RBM26: variants seen among roughly 807,000 people sequenced by gnomAD.
RBM26 encodes RNA binding motif protein 26.
RBM26 carries 30 observed loss-of-function variants against 123.6 expected under a neutral mutation model. That is an observed-to-expected ratio of 0.24 (90% CI 0.18 to 0.33). RBM26 has a LOEUF of 0.33. Among genes scored for constraint, RBM26 ranks in the 10% least tolerant of loss-of-function variants. RBM26 has a pLI of 1.00. For missense variants in RBM26, 947 were observed against 1,203.6 expected (o/e 0.79, Z 3.15); for synonymous variants, 400 against 404.4 (o/e 0.99, Z 0.13).
intron 1 of RBM26, among the ~76,000 whole-genome samples, chr13:79,383,959 A>G (rs1439790189): frequency 6.6e-6 from 1 of 152,204 alleles, no homozygotes; most frequent in Non-Finnish European, 1.5e-5. Context: ...AAAATTTTAA[A>G]AAGCCCAGGC....
intron 20 of RBM26, among the ~76,000 whole-genome samples, chr13:79,324,180 C>T (rs552132231): frequency 2.4e-4 from 36 of 151,760 alleles, no homozygotes; most frequent in South Asian, 4.2e-4. Flanking sequence ...GGAGTTAAAT[C>T]CTACATATAT....
chr13:79,368,843 G>A lies in RBM26; in HGVS notation c.782C>T (p.Thr261Ile). The A allele has an allele frequency of 6.2e-7, 1 of 1,613,872 alleles. No individual in the cohort carries two copies. Among genetic ancestry groups the A allele is most frequent in the Non-Finnish European group, 8.5e-7 (1 of 1,179,844 alleles). Residue 261 changes from threonine to isoleucine, a missense_variant, in exon 6 of 22, where the codon ACT (threonine) becomes ATT (isoleucine). Transcript: ENST00000438737. ...LSSTITVIAP[T>I]HHGNNTTESW... The stretch of plus-strand genomic sequence containing the variant: ...TTCGGTAGTGTTGTTTCCATGATGA[G>A]TAGGAGCAATTACTGTAATAGTGCT...
chr13:79,386,258 C>A (rs2077469053), intron 1 of RBM26, among the ~76,000 whole-genome samples: 1 of 151,888 alleles, frequency 6.6e-6, no homozygotes, highest in Admixed American at 6.6e-5. Flanking sequence ...ACATGTTATA[C>A]TGGTTGAAGT....
chr13:79,383,843 G>T (rs1422031155), intron 1 of RBM26, among the ~76,000 whole-genome samples: 1 of 152,176 alleles, frequency 6.6e-6, no homozygotes, highest in Non-Finnish European at 1.5e-5. Flanking sequence ...TATTATTTAA[G>T]ATCATCAAGG....
At position 79,372,545 on chromosome 13, in the gene RBM26, A is replaced by G. The variant is rs983267318; in HGVS notation, c.328-615T>C. On this transcript the variant is annotated intron_variant, in intron 3 of 21. Transcript: ENST00000438737. ...TGCTCATTTAACATAATTAATGGAA[A>G]TCCAATTTTATTCCTCTTTCAAAAG... Among the ~76,000 whole-genome samples the G allele has an allele frequency of 4.0e-5, 6 of 150,868 alleles. No homozygotes were observed. In the East Asian group the frequency reaches 1.2e-3, roughly 29 times the overall value.
intron 20 of RBM26, among the ~76,000 whole-genome samples, chr13:79,327,916 C>T (rs1404765272): frequency 6.6e-6 from 1 of 151,808 alleles, no homozygotes; most frequent in Non-Finnish European, 1.5e-5. Context: ...TGTGTACTCC[C>T]TGAATCTAAA....
chr13:79,332,371 A>G (rs2069579305), intron 20 of RBM26, among the ~76,000 whole-genome samples: 1 of 152,212 alleles, frequency 6.6e-6, no homozygotes, highest in African/African-American at 2.4e-5. Flanking sequence ...ACAAACACAC[A>G]AATTTTTAAA....
chr13:79,402,255 A>C (rs903284705), intron 1 of RBM26, among the ~76,000 whole-genome samples: 3 of 152,132 alleles, frequency 2.0e-5, no homozygotes, highest in East Asian at 3.8e-4. Flanking sequence ...ACAAAACATC[A>C]ATCTTAAGCA....
intron 20 of RBM26, among the ~76,000 whole-genome samples, chr13:79,327,969 T>C (rs1351513729): frequency 6.6e-6 from 1 of 152,068 alleles, no homozygotes; most frequent in African/African-American, 2.4e-5. Context: ...ACACTAGTAA[T>C]ATATACTGGC....
intron 20 of RBM26, among the ~76,000 whole-genome samples, chr13:79,324,321 T>C (rs907606205): frequency 6.6e-6 from 1 of 151,876 alleles, no homozygotes; most frequent in African/African-American, 2.4e-5. Context: ...TCGATGTCCA[T>C]ACCAATAAAT....
chr13:79,390,188 A>G (rs1037691968), intron 1 of RBM26, among the ~76,000 whole-genome samples: 1 of 152,172 alleles, frequency 6.6e-6, no homozygotes, highest in African/African-American at 2.4e-5. Flanking sequence ...AAGACTTAAG[A>G]AATTGTGTCA....
chr13:79,365,822 T>G, intron 8 of RBM26, 104 bp from the exon 9 acceptor site: 1 of 1,028,306 alleles, frequency 9.7e-7, no homozygotes, highest in Non-Finnish European at 1.4e-6. Flanking sequence ...TATTAACATA[T>G]AACATGCTCT....
intron 1 of RBM26, among the ~76,000 whole-genome samples, chr13:79,385,165 C>CT (rs1594619125): frequency 6.6e-6 from 1 of 152,078 alleles, no homozygotes; most frequent in East Asian, 1.9e-4. Context: ...ATATTCTGTA[C>CT]TTAGAATTAC....
At position 79,319,254 on chromosome 13, in the gene RBM26, AT is replaced by A. The variant is rs2067424440; in HGVS notation, c.*1366del. On this transcript the variant is annotated 3_prime_UTR_variant, in exon 22 of 22. Transcript: ENST00000438737. ...GAGGACCCCAATATGGAAGAAAGTAATTTTTTAAATGTGATTTTTTAATATT... is the reference window on the plus strand; with the variant it reads ...GAGGACCCCAATATGGAAGAAAGTAATTTTTAAATGTGATTTTTTAATATT... 1.0e-6 allele frequency: 1 copy of A among 984,050 alleles called. No homozygotes were observed. Among genetic ancestry groups the A allele is most frequent in the Non-Finnish European group, 1.2e-6 (1 of 828,862 alleles). 61.0% of individuals were successfully genotyped at this position (984,050 alleles called of 1,614,324 possible).
At chr13:79,370,381 G>A (rs1283662273) in intron 5 of RBM26, among the ~76,000 whole-genome samples, 1 of 152,080 alleles carries the variant, frequency 6.6e-6, no homozygotes, top group Non-Finnish European at 1.5e-5. Flanking sequence ...CTTTCACTCA[G>A]CATAATTATA....
chr13:79,364,371 T>A (rs2075037767), intron 9 of RBM26, among the ~76,000 whole-genome samples: 1 of 152,218 alleles, frequency 6.6e-6, no homozygotes, highest in South Asian at 2.1e-4. Context: ...ATCACACATT[T>A]ACCAAACTCC....
At chr13:79,339,785 T>C (rs1011126231) in intron 18 of RBM26, among the ~76,000 whole-genome samples, 2 of 152,140 alleles carry the variant, frequency 1.3e-5, no homozygotes, top group Non-Finnish European at 2.9e-5. Flanking sequence ...CAATATAACC[T>C]GTTCTAAGGT....
intron 21 of RBM26, among the ~76,000 whole-genome samples, chr13:79,321,648 C>T (rs1050934664): frequency 2.6e-5 from 4 of 151,280 alleles, no homozygotes; most frequent in African/African-American, 9.7e-5. Context: ...GCTTATCCCT[C>T]CATCTAAAAT....
intron 14 of RBM26, among the ~76,000 whole-genome samples, chr13:79,346,856 T>C (rs1038807496): frequency 3.9e-5 from 6 of 152,156 alleles, no homozygotes; most frequent in Non-Finnish European, 8.8e-5. Flanking sequence ...CCTAATTAAG[T>C]TTCACAAACT....
Sources: gnomAD v4.1 joint callset for allele counts (sites outside exome capture counted in the v4.1 genomes callset) on GRCh38, gnomAD v4.1.1 for gene constraint, MANE v1.5 for transcripts, NCBI Gene and HGNC (gene_info 2026-07-23, HGNC 2026-07-21) for gene names.